Variants in PCNX2 observed in about 807,000 individuals in gnomAD.
PCNX2 encodes pecanex 2.
PCNX2 carries 168 observed loss-of-function variants against 223.8 expected under a neutral mutation model. That is an observed-to-expected ratio of 0.75 (90% CI 0.66 to 0.85). PCNX2 has a LOEUF of 0.85. Ranked by LOEUF, PCNX2 falls within the 40% of genes least tolerant of loss-of-function variation. PCNX2 has a pLI of 0.00. For missense variants in PCNX2, 2,507 were observed against 2,675.5 expected, an observed-to-expected ratio of 0.94 and a Z score of 1.39; for synonymous variants, 1,006 against 1,052.6, an observed-to-expected ratio of 0.96 and a Z score of 0.86.
chr1:233,154,328 C>T (rs891382255), intron 19 of PCNX2, among the ~76,000 whole-genome samples: 8 of 152,218 alleles, frequency 5.3e-5, no homozygotes, highest in African/African-American at 1.9e-4. Context: ...GGTCCACCCA[C>T]CTCAGCCTCC....
intron 4 of PCNX2, 103 bp from the exon 5 acceptor site, chr1:233,259,447 T>A: frequency 7.2e-7 from 1 of 1,389,858 alleles, no homozygotes; most frequent in Non-Finnish European, 9.5e-7. Context: ...CACCAGCAAC[T>A]AATGGAATTA....
the PCNX2 span, among the ~76,000 whole-genome samples, chr1:233,325,251 A>G: frequency 6.6e-6 from 1 of 152,188 alleles, no homozygotes; most frequent in East Asian, 1.9e-4. Context: ...ATCAACATTA[A>G]CAGGAGTTTG....
intron 19 of PCNX2, among the ~76,000 whole-genome samples, chr1:233,152,899 G>A (rs756526645): frequency 4.6e-5 from 7 of 152,016 alleles, no homozygotes; most frequent in African/African-American, 1.7e-4. Flanking sequence ...TATATTTAAT[G>A]TAGGAATTCC....
At chr1:233,005,942 G>A (rs890549908) in intron 28 of PCNX2, among the ~76,000 whole-genome samples, 5 of 152,154 alleles carry the variant, frequency 3.3e-5, no homozygotes, top group Admixed American at 6.5e-5. Flanking sequence ...GCCTGTGGAG[G>A]ATGTCAGTGA....
At chr1:233,259,417 T>C (rs1347681812) in intron 4 of PCNX2, 73 bp from the exon 5 acceptor site, 2 of 1,458,860 alleles carry the variant, frequency 1.4e-6, no homozygotes, top group African/African-American at 2.8e-5. Flanking sequence ...ACCTAATGAA[T>C]AATAACAAAA....
At chr1:233,103,461 C>T (rs1032285415) in intron 21 of PCNX2, among the ~76,000 whole-genome samples, 1 of 152,070 alleles carries the variant, frequency 6.6e-6, no homozygotes, top group African/African-American at 2.4e-5. Flanking sequence ...CTCTGGTAAC[C>T]ATCCTTCTAT....
intron 15 of PCNX2, among the ~76,000 whole-genome samples, chr1:233,186,470 G>A (rs527956265): frequency 9.9e-5 from 15 of 152,116 alleles, no homozygotes; most frequent in African/African-American, 2.2e-4. Flanking sequence ...TCATGTGGCC[G>A]GCACGTGTGG....
chr1:233,004,095 A>G (rs570062775), intron 28 of PCNX2, among the ~76,000 whole-genome samples: 6 of 152,214 alleles, frequency 3.9e-5, no homozygotes, highest in African/African-American at 1.2e-4. Flanking sequence ...TGGTACGTGT[A>G]TACCTGCACG....
chr1:233,235,957 A>AAAAATATATATATATATATATAT lies in PCNX2; in HGVS notation c.2358+887_2358+888insATATATATATATATATATATTTT, dbSNP rs369886650. 3.5e-4 allele frequency among the ~76,000 whole-genome samples: 33 copies of AAAAATATATATATATATATATAT among 93,098 alleles called. 1 individual carries two copies. Among genetic ancestry groups the AAAAATATATATATATATATATAT allele is most frequent in the Admixed American group, 1.2e-4 (1 of 8,284 alleles). 61.1% of individuals were successfully genotyped at this position (93,098 alleles called of 152,430 possible). A position where few individuals can be genotyped will look rare whatever the true frequency, so the allele number is the denominator to read the frequency against. On this transcript the variant is annotated intron_variant, in intron 9 of 33. Transcript: ENST00000258229. Reference sequence around the variant, plus strand: ...ATGTGGCAAAGCAATCATAAAAAAAAATATATATATATATATATATATATA... The same window carrying AAAAATATATATATATATATATAT: ...ATGTGGCAAAGCAATCATAAAAAAAAAAAATATATATATATATATATATATATATATATATATATATATATATA...
chr1:233,252,872 C>T (rs1659539844), intron 5 of PCNX2, 84 bp from the exon 6 acceptor site: 3 of 1,346,244 alleles, frequency 2.2e-6, no homozygotes, highest in Non-Finnish European at 3.0e-6. Context: ...AAAACTGAAA[C>T]AAGAATAGAA....
chr1:233,177,889 G>A lies in PCNX2; in HGVS notation c.3186C>T (p.Ile1062=). The A allele has an allele frequency of 6.2e-7, 1 of 1,613,614 alleles. No individual in the cohort carries two copies. ...AAAATTTAGGAAACAGCCTGCATTG[G>A]ATGAAGGACCTGAAAGTGGAAAAAC... The part of the protein sequence containing the change: ...SSDPSVLMSF[I]QCRLFPKFLH... Residue 1062 remains isoleucine, a synonymous_variant, in exon 17 of 34, where the codon ATC becomes ATT. Transcript: ENST00000258229.
intron 19 of PCNX2, among the ~76,000 whole-genome samples, chr1:233,149,118 G>C (rs1444205373): frequency 2.0e-5 from 3 of 152,170 alleles, no homozygotes; most frequent in African/African-American, 7.2e-5. Flanking sequence ...AATATGCAAA[G>C]AGACCATAAA....
rs762580353 is a variant in PCNX2 at position 233,252,401 on chromosome 1, T to A, written c.2081A>T (p.Gln694Leu). Residue 694 changes from glutamine (Q) to leucine (L), a missense_variant, in exon 7 of 34, where the codon CAA (glutamine) becomes CTA (leucine). Around this residue, in one of 3 missense-constraint regions of PCNX2, gnomAD observed 1,031 missense variants for 1,021.7 expected, o/e 1.01. Transcript: ENST00000258229. ...QVISGPETSV[Q>L]EEISVDAMHV... ...CATAGCATCCACAGATATCTCTTCT[T>A]GTACAGATGTTTCAGGCCCACTGAT... 6.2e-7 allele frequency: 1 copy of A among 1,613,796 alleles called. No individual in the cohort carries two copies. Among genetic ancestry groups the A allele is most frequent in the Admixed American group, 1.7e-5 (1 of 60,022 alleles).
chr1:233,162,327 A>G (rs1678536892), intron 17 of PCNX2, among the ~76,000 whole-genome samples: 1 of 152,198 alleles, frequency 6.6e-6, no homozygotes. Flanking sequence ...TCACACTGTT[A>G]CCTGAAAAGT....
At chr1:233,171,184 T>G (rs1189712335) in intron 17 of PCNX2, among the ~76,000 whole-genome samples, 1 of 152,200 alleles carries the variant, frequency 6.6e-6, no homozygotes, top group South Asian at 2.1e-4. Context: ...GCCAACTATA[T>G]AGTCTTATCA....
Position 233,208,664 on chromosome 1 carries a change from C to A in PCNX2, c.2717G>T (p.Ser906Ile), listed in dbSNP as rs1162171407. The A allele has an allele frequency of 1.2e-6, 2 of 1,613,408 alleles. No individual in the cohort carries two copies. Among genetic ancestry groups the A allele is most frequent in the Non-Finnish European group, 1.7e-6 (2 of 1,179,738 alleles). ...CAGCACACAAAAATAGATTGGTCTG[C>A]TATATGTTATGATTTGGTTGTGTCC... ...IHGHNQIITY[S>I]RPIYFCVLCG... is the part of the protein sequence containing the mutation. The change falls in exon 13 of 34, where the codon AGC becomes ATC. Residue 906 changes from serine (S) to isoleucine (I), a missense_variant. By Grantham distance (142) the Ser-to-Ile change is moderately radical (BLOSUM62 -2). Coordinates refer to ENST00000258229, the MANE Select transcript of PCNX2 (RefSeq NM_014801.4).
At chr1:233,044,557 G>A (rs1171288080) in intron 25 of PCNX2, among the ~76,000 whole-genome samples, 1 of 151,984 alleles carries the variant, frequency 6.6e-6, no homozygotes, top group Non-Finnish European at 1.5e-5. Context: ...CAAGAGCAGT[G>A]GGGGCACTAC....
At chr1:233,030,547 T>C (rs1194231921) in intron 25 of PCNX2, among the ~76,000 whole-genome samples, 3 of 152,212 alleles carry the variant, frequency 2.0e-5, no homozygotes, top group Non-Finnish European at 4.4e-5. Flanking sequence ...AAAAGAGCCA[T>C]GTTCTGTCAG....
chr1:233,179,267 G>C, intron 15 of PCNX2, 92 bp from the exon 16 acceptor site: 3 of 1,307,478 alleles, frequency 2.3e-6, no homozygotes, highest in Non-Finnish European at 3.2e-6. Context: ...CCAAGGTCCA[G>C]CTGGATGGAT....
Sources: gnomAD v4.1 joint callset for allele counts (sites outside exome capture counted in the v4.1 genomes callset) on GRCh38, gnomAD v4.1.1 for gene constraint, gnomAD v4.1.1 regional missense constraint, MANE v1.5 for transcripts, NCBI Gene and HGNC (gene_info 2026-07-23, HGNC 2026-07-21) for gene names.